TAFA1: variants seen among roughly 807,000 people sequenced by gnomAD.
TAFA1 encodes the protein chemokine-like protein TAFA-1.
In TAFA1, 4 loss-of-function variants were observed where a neutral mutation model predicts 18.5. That is an observed-to-expected ratio of 0.22 (90% CI 0.11 to 0.49). The LOEUF (loss-of-function observed/expected upper bound fraction) is 0.49. Among genes scored for constraint, TAFA1 ranks in the 20% least tolerant of loss-of-function variants. TAFA1 has a pLI of 0.98. For missense variants in TAFA1, 147 were observed against 169.0 expected, an observed-to-expected ratio of 0.87 and a Z score of 0.72; for synonymous variants, 56 against 55.2, an observed-to-expected ratio of 1.01 and a Z score of -0.06.
intron 2 of TAFA1, among the ~76,000 whole-genome samples, chr3:68,293,151 A>G (rs2068142108): frequency 6.6e-6 from 1 of 152,190 alleles, no homozygotes; most frequent in Non-Finnish European, 1.5e-5. Context: ...TTCATAGTTG[A>G]TGAGATGCTT....
intron 2 of TAFA1, among the ~76,000 whole-genome samples, chr3:68,104,817 T>TG (rs953448687): frequency 3.3e-5 from 5 of 152,278 alleles, no homozygotes; most frequent in Admixed American, 2.6e-4. Flanking sequence ...CTATCCTTTG[T>TG]GGGAAAAAGT....
chr3:68,328,697 T>A (rs576508072), intron 2 of TAFA1, among the ~76,000 whole-genome samples: 13 of 152,316 alleles, frequency 8.5e-5, no homozygotes, highest in African/African-American at 3.1e-4. Flanking sequence ...AACTCACAAG[T>A]GGCACTTATT....
intron 2 of TAFA1, among the ~76,000 whole-genome samples, chr3:68,024,494 G>C (rs77615585): frequency 2.6e-5 from 4 of 151,962 alleles, no homozygotes; most frequent in African/African-American, 9.7e-5. Context: ...CTTCCTAAGC[G>C]CTGTTATTTA....
intron 3 of TAFA1, among the ~76,000 whole-genome samples, chr3:68,478,676 A>T (rs565010093): frequency 1.3e-5 from 2 of 152,266 alleles, no homozygotes; most frequent in East Asian, 3.9e-4. Flanking sequence ...ACTTTGAAAC[A>T]ACTAGCAATT....
At chr3:68,346,324 AATTTTTGT>A (rs1045669592) in intron 2 of TAFA1, among the ~76,000 whole-genome samples, 2 of 151,884 alleles carry the variant, frequency 1.3e-5, no homozygotes, top group African/African-American at 2.4e-5. Context: ...ACACCCAGCT[AATTTTTGT>A]ATTTTTGTAG....
intron 3 of TAFA1, among the ~76,000 whole-genome samples, chr3:68,448,443 A>G (rs1575876382): frequency 2.0e-5 from 3 of 152,332 alleles, no homozygotes; most frequent in South Asian, 2.1e-4. Context: ...CAATGTTTCA[A>G]TGACTCTATT....
chr3:68,042,021 A>G (rs528579761), intron 2 of TAFA1, among the ~76,000 whole-genome samples: 2 of 152,316 alleles, frequency 1.3e-5, no homozygotes, highest in Non-Finnish European at 1.5e-5. Context: ...ATTTGCCAAT[A>G]GTTTTAAAAT....
At chr3:68,133,245 T>C (rs2065565253) in intron 2 of TAFA1, among the ~76,000 whole-genome samples, 1 of 152,192 alleles carries the variant, frequency 6.6e-6, no homozygotes, top group South Asian at 2.1e-4. Context: ...TTGGTACCGG[T>C]ACCATGCTGT....
rs1000842531 is a variant in TAFA1 at position 68,171,724 on chromosome 3, A to G, written c.118+164980A>G. 2.0e-5 allele frequency among the ~76,000 whole-genome samples: 3 copies of G among 152,212 alleles called. No homozygotes were observed. In the South Asian group the frequency reaches 6.2e-4, roughly 32 times the overall value. On this transcript the variant is annotated intron_variant, in intron 2 of 4. Coordinates refer to ENST00000478136, the MANE Select transcript of TAFA1 (RefSeq NM_213609.4). ...GAGAGTATGACAGCAATGTCTTGCC[A>G]AATACAAATTGTCAATAAAGAGACA...
intron 2 of TAFA1, among the ~76,000 whole-genome samples, chr3:68,345,646 C>T (rs1212880740): frequency 6.6e-6 from 1 of 152,156 alleles, no homozygotes; most frequent in African/African-American, 2.4e-5. Context: ...GAAATACCAT[C>T]TCATTCAAGT....
At chr3:68,161,073 T>C (rs2065919754) in intron 2 of TAFA1, among the ~76,000 whole-genome samples, 1 of 152,214 alleles carries the variant, frequency 6.6e-6, no homozygotes. Flanking sequence ...CATAACTATA[T>C]TTACTATACA....
intron 2 of TAFA1, among the ~76,000 whole-genome samples, chr3:68,356,115 T>C (rs1374767486): frequency 1.3e-5 from 2 of 151,864 alleles, no homozygotes; most frequent in Admixed American, 6.6e-5. Flanking sequence ...TCCACCACAA[T>C]AGAAAGTTCT....
chr3:68,254,105 CTATGTATGTATG>C (rs60606466), intron 2 of TAFA1, among the ~76,000 whole-genome samples: 9 of 145,204 alleles, frequency 6.2e-5, no homozygotes, highest in Admixed American at 1.4e-4. Flanking sequence ...ATCTACCTGT[CTATGTATGTATG>C]TATGTATGTA....
At chr3:68,148,603 T>G (rs1444008138) in intron 2 of TAFA1, among the ~76,000 whole-genome samples, 1 of 152,184 alleles carries the variant, frequency 6.6e-6, no homozygotes, top group African/African-American at 2.4e-5. Flanking sequence ...TGTGTCTGTG[T>G]AGCTTCTCAG....
chr3:68,065,282 C>G (rs1486751988), intron 2 of TAFA1, among the ~76,000 whole-genome samples: 1 of 152,090 alleles, frequency 6.6e-6, no homozygotes, highest in African/African-American at 2.4e-5. Context: ...ATTTGTTTTA[C>G]TTGGGATTTT....
At chr3:68,462,292 C>T (rs536382882) in intron 3 of TAFA1, among the ~76,000 whole-genome samples, 6 of 152,194 alleles carry the variant, frequency 3.9e-5, no homozygotes, top group South Asian at 2.1e-4. Flanking sequence ...CTACATGGCG[C>T]GGGATGGACC....
intron 3 of TAFA1, among the ~76,000 whole-genome samples, chr3:68,461,282 AAAAC>A (rs3037407): frequency 0.075 from 10,535 of 140,050 alleles, 437 homozygotes; most frequent in Non-Finnish European, 0.082. Context: ...ACTCTGCCAA[AAAAC>A]AAACAAACAA....
chr3:68,398,088 TA>T (rs1282011918), intron 2 of TAFA1, among the ~76,000 whole-genome samples: 3 of 151,288 alleles, frequency 2.0e-5, no homozygotes, highest in East Asian at 3.9e-4. Context: ...TCATATGGAA[TA>T]AAAAAAAGAG....
intron 2 of TAFA1, among the ~76,000 whole-genome samples, chr3:68,321,553 T>C (rs2068697870): frequency 6.6e-6 from 1 of 152,162 alleles, no homozygotes; most frequent in Admixed American, 6.6e-5. Context: ...AAATGGCATA[T>C]AATAATAAAA....
Sources: allele counts gnomAD v4.1 joint callset (sites outside exome capture counted in the v4.1 genomes callset), GRCh38; gene constraint gnomAD v4.1.1; transcripts MANE v1.5; gene names NCBI Gene and HGNC (gene_info 2026-07-23, HGNC 2026-07-21).